Variants in FER observed in about 807,000 individuals in gnomAD.
FER encodes tyrosine-protein kinase Fer.
A neutral mutation model predicts 111.0 loss-of-function variants in FER; 63 were observed. The observed-to-expected ratio is 0.57, with a 90% CI of 0.46 to 0.70. The LOEUF (loss-of-function observed/expected upper bound fraction) is 0.70. FER is among the 30% of genes least tolerant of loss of function. The pLI is 0.00. For missense variants in FER, 914 were observed against 954.0 expected, an observed-to-expected ratio of 0.96 and a Z score of 0.55; for synonymous variants, 327 against 313.9, an observed-to-expected ratio of 1.04 and a Z score of -0.44.
chr5:109,057,156 T>C (rs186386390), intron 16 of FER, among the ~76,000 whole-genome samples: 4 of 152,292 alleles, frequency 2.6e-5, no homozygotes, highest in African/African-American at 9.6e-5. Flanking sequence ...TTTTGTCAGA[T>C]TTATCACTGA....
chr5:108,823,046 AT>A (rs1378676731), intron 3 of FER, among the ~76,000 whole-genome samples: 2 of 152,022 alleles, frequency 1.3e-5, no homozygotes, highest in Admixed American at 6.6e-5. Flanking sequence ...TAATTTTTGT[AT>A]TTTTAGTAGA....
In FER at chr5:109,020,546, TC is replaced by T. The variant is rs559778895; in HGVS notation, c.1657-16875del. ...AGCCACATTTAGATCTCAGTTTCCTTCTATATGACTTGGAATTTTTTGGTTA... is the reference window on the plus strand; with the variant it reads ...AGCCACATTTAGATCTCAGTTTCCTTTATATGACTTGGAATTTTTTGGTTA... On this transcript the variant is annotated intron_variant, in intron 13 of 19. Coordinates refer to ENST00000281092, the MANE Select transcript of FER (RefSeq NM_005246.4). Among the ~76,000 whole-genome samples, 9 of 152,140 alleles carry T rather than the reference TC, an allele frequency of 5.9e-5. No homozygotes were observed. The East Asian group carries it at 1.7e-3, about 29-fold the overall frequency.
intron 10 of FER, among the ~76,000 whole-genome samples, chr5:108,918,218 A>G (rs1752512125): frequency 6.6e-6 from 1 of 152,198 alleles, no homozygotes; most frequent in Non-Finnish European, 1.5e-5. Flanking sequence ...AAAGCTTTTC[A>G]TTGTATTGAG....
At chr5:108,790,051 T>G (rs946022549) in intron 2 of FER, among the ~76,000 whole-genome samples, 1 of 152,190 alleles carries the variant, frequency 6.6e-6, no homozygotes, top group African/African-American at 2.4e-5. Context: ...ATTCGTTGGG[T>G]GCAATGGCTT....
intron 17 of FER, among the ~76,000 whole-genome samples, chr5:109,165,291 A>G (rs905629865): frequency 2.4e-4 from 37 of 152,318 alleles, no homozygotes; most frequent in Non-Finnish European, 2.4e-4. Flanking sequence ...GGTCCTCATT[A>G]TCTCTATTGC....
chr5:109,175,236 ATG>A (rs1444620861), intron 17 of FER, among the ~76,000 whole-genome samples: 1 of 152,186 alleles, frequency 6.6e-6, no homozygotes, highest in Non-Finnish European at 1.5e-5. Context: ...ACAGTTTTGT[ATG>A]TGTGTGTGAC....
At chr5:108,985,794 T>A (rs1391945385) in intron 13 of FER, among the ~76,000 whole-genome samples, 2 of 152,204 alleles carry the variant, frequency 1.3e-5, no homozygotes. Context: ...TGAATAGTGT[T>A]ATATGGTATA....
At chr5:109,036,281 C>G (rs1397869293) in intron 13 of FER, among the ~76,000 whole-genome samples, 1 of 151,998 alleles carries the variant, frequency 6.6e-6, no homozygotes, top group East Asian at 1.9e-4. Flanking sequence ...ATAGCATTAA[C>G]TTTATATTTA....
At chr5:108,764,696 C>T (rs1396333313) in intron 1 of FER, among the ~76,000 whole-genome samples, 5 of 152,058 alleles carry the variant, frequency 3.3e-5, no homozygotes, top group East Asian at 1.9e-4. Context: ...TGCACCTGGC[C>T]GTGGAAACAT....
intron 13 of FER, among the ~76,000 whole-genome samples, chr5:109,012,508 T>C (rs1055616755): frequency 1.3e-5 from 2 of 152,250 alleles, no homozygotes; most frequent in African/African-American, 2.4e-5. Context: ...CCACTTTTTA[T>C]TGATTTGTTT....
At position 108,790,926 on chromosome 5, in the gene FER, T is replaced by C. The variant is rs182333028; in HGVS notation, c.-59-7198T>C. ...TGTGATCTTTTGTGTCTGGTTTCTT[T>C]GACCTAGTAAAACATTTTCAAGGTT... On this transcript the variant is annotated intron_variant, in intron 2 of 19. Transcript: ENST00000281092. 9.0e-4 allele frequency among the ~76,000 whole-genome samples: 137 copies of C among 152,356 alleles called. 1 individual carries two copies. Among genetic ancestry groups the C allele is most frequent in the Non-Finnish European group, 1.4e-3 (98 of 68,030 alleles).
At position 108,867,919 on chromosome 5, in the gene FER, CA is replaced by C. The variant is rs1300718834; in HGVS notation, c.638del (p.Lys213ArgfsTer6). ...ACTTCCCCTGCTTCTGGACTCCTTACAAAAGATGCAAGAAGAAATGATAAAA... is the reference window on the plus strand; with the variant it reads ...ACTTCCCCTGCTTCTGGACTCCTTACAAAGATGCAAGAAGAAATGATAAAA... ...ITLPLLLDSL[Q>X]KMQEEMIKAL... On this transcript the variant is annotated frameshift_variant, in exon 6 of 20. Coordinates refer to ENST00000281092, the MANE Select transcript of FER (RefSeq NM_005246.4). LOFTEE classifies it high-confidence loss of function. 1 of 1,609,292 alleles carries C rather than the reference CA, an allele frequency of 6.2e-7. No homozygotes were observed. The highest frequency in any genetic ancestry group is 8.5e-7 in the Non-Finnish European group (1 of 1,178,566).
intron 11 of FER, 65 bp from the exon 12 acceptor site, chr5:108,954,664 A>C: frequency 8.1e-7 from 1 of 1,233,908 alleles, no homozygotes; most frequent in Non-Finnish European, 1.1e-6. Context: ...AGTTGCTATG[A>C]ATTTTATTAG....
intron 16 of FER, among the ~76,000 whole-genome samples, chr5:109,048,702 C>G (rs1446229707): frequency 6.6e-6 from 1 of 152,112 alleles, no homozygotes; most frequent in Non-Finnish European, 1.5e-5. Context: ...ATGAAACCTT[C>G]TACTCAACAG....
At chr5:108,857,433 A>G (rs1258774332) in intron 5 of FER, among the ~76,000 whole-genome samples, 2 of 152,054 alleles carry the variant, frequency 1.3e-5, no homozygotes, top group Non-Finnish European at 2.9e-5. Context: ...CCATTATTGG[A>G]TATTAATTTG....
intron 17 of FER, among the ~76,000 whole-genome samples, chr5:109,176,800 C>CG (rs1397440510): frequency 1.3e-5 from 2 of 152,208 alleles, no homozygotes; most frequent in East Asian, 3.9e-4. Context: ...ACCGTATACT[C>CG]GCAGTTGTCA....
Position 109,100,381 on chromosome 5 carries a change from T to G in FER, c.1925-15T>G, listed in dbSNP as rs745984157. The G allele has an allele frequency of 6.2e-7, 1 of 1,608,516 alleles. No homozygotes were observed. Among genetic ancestry groups the G allele is most frequent in the Non-Finnish European group, 8.5e-7 (1 of 1,176,578 alleles). ...TCATAACTTTGTCTCATTGTTCATC[T>G]ATCAATTCCTCTAGGAGGTGATTTC... On this transcript the variant is annotated splice_polypyrimidine_tract_variant and intron_variant, in intron 16 of 19. Transcript: ENST00000281092.
intron 17 of FER, among the ~76,000 whole-genome samples, chr5:109,169,183 T>C (rs1756846405): frequency 6.6e-6 from 1 of 152,178 alleles, no homozygotes; most frequent in East Asian, 1.9e-4. Flanking sequence ...TAAAAACCTT[T>C]ATCTTGTAGA....
chr5:109,115,742 T>C (rs1015594227), intron 17 of FER, among the ~76,000 whole-genome samples: 9 of 152,084 alleles, frequency 5.9e-5, no homozygotes, highest in African/African-American at 2.2e-4. Flanking sequence ...AATTGTTTTG[T>C]GGTTTTTGGT....
Sources: allele counts gnomAD v4.1 joint callset (sites outside exome capture counted in the v4.1 genomes callset), GRCh38; gene constraint gnomAD v4.1.1; transcripts MANE v1.5; gene names NCBI Gene and HGNC (gene_info 2026-07-23, HGNC 2026-07-21).